ARID4A: variants seen among roughly 807,000 people sequenced by gnomAD.
ARID4A encodes AT-rich interactive domain-containing protein 4A.
A neutral mutation model predicts 148.6 loss-of-function variants in ARID4A; 39 were observed. That is an observed-to-expected ratio of 0.26 (90% CI 0.20 to 0.34). The LOEUF (loss-of-function observed/expected upper bound fraction) is 0.34, where lower values mean the gene tolerates loss of function less well. Among genes scored for constraint, ARID4A ranks in the 10% least tolerant of loss-of-function variants. The probability of loss-of-function intolerance (pLI) is 1.00; values close to 1 mark genes in which losing one functional copy is unlikely to be tolerated. For missense variants in ARID4A, 1,265 were observed against 1,449.1 expected, an observed-to-expected ratio of 0.87 and a Z score of 2.06; for synonymous variants, 475 against 481.2, an observed-to-expected ratio of 0.99 and a Z score of 0.17.
intron 11 of ARID4A, chr14:58,331,579 A>G (rs1356168285): frequency 1.3e-5 from 2 of 152,182 alleles, no homozygotes; most frequent in Non-Finnish European, 2.9e-5. Context: ...TTAAATAAGA[A>G]TTTTAGGTAT....
At chr14:58,344,067 C>T (rs1397681856) in intron 11 of ARID4A, among the ~76,000 whole-genome samples, 1 of 151,824 alleles carries the variant, frequency 6.6e-6, no homozygotes, top group Non-Finnish European at 1.5e-5. Flanking sequence ...AAGTCAAGTA[C>T]AGGGGCCATA....
intron 5 of ARID4A, among the ~76,000 whole-genome samples, chr14:58,308,562 C>T (rs2031782719): frequency 6.6e-6 from 1 of 152,298 alleles, no homozygotes; most frequent in East Asian, 1.9e-4. Context: ...GATAGCACTG[C>T]TCTAAAGAAC....
At chr14:58,312,217 ATT>A (rs1167025695) in intron 5 of ARID4A, among the ~76,000 whole-genome samples, 19 of 142,848 alleles carry the variant, frequency 1.3e-4, no homozygotes, top group Admixed American at 1.4e-4. Context: ...TTAATGTTAA[ATT>A]TTTTTTTTTT....
chr14:58,340,778 C>T (rs2034081040), intron 11 of ARID4A, among the ~76,000 whole-genome samples: 1 of 152,120 alleles, frequency 6.6e-6, no homozygotes, highest in Admixed American at 6.6e-5. Context: ...AGCCACCGTG[C>T]CCGGCCCCAC....
chr14:58,365,060 A>C lies in ARID4A; in HGVS notation c.2971A>C (p.Ile991Leu), dbSNP rs764415860. The change falls in exon 20 of 24, where the codon ATT becomes CTT. Residue 991 changes from isoleucine (I) to leucine (L), a missense_variant. Physicochemically the swap from Ile to Leu is conservative, Grantham distance 5 (BLOSUM62 2). Coordinates refer to ENST00000355431, the MANE Select transcript of ARID4A (RefSeq NM_002892.4). ...CTCTGAGTCTAACTCTCTTGTTTCT[A>C]TTCCACCTGCCCTACCTCCTGTAGT... The part of the protein sequence containing the change: ...ESSESNSLVS[I>L]PPALPPVVQH... 1 of 1,614,022 alleles carries C rather than the reference A, an allele frequency of 6.2e-7. No individual in the cohort carries two copies. The highest frequency in any genetic ancestry group is 1.3e-5 in the African/African-American group (1 of 74,928).
At chr14:58,352,563 TAAG>T (rs1175697276) in intron 16 of ARID4A, among the ~76,000 whole-genome samples, 1 of 152,198 alleles carries the variant, frequency 6.6e-6, no homozygotes, top group Non-Finnish European at 1.5e-5. Flanking sequence ...GACTTGAATG[TAAG>T]AACAATATTA....
At chr14:58,318,097 T>C (rs565356828) in intron 5 of ARID4A, among the ~76,000 whole-genome samples, 8 of 152,210 alleles carry the variant, frequency 5.3e-5, no homozygotes, top group South Asian at 4.1e-4. Flanking sequence ...TGCAAATAAA[T>C]AGAAGCAGTA....
At chr14:58,359,062 G>A in intron 17 of ARID4A, 70 bp from the exon 18 acceptor site, 1 of 1,439,346 alleles carries the variant, frequency 6.9e-7, no homozygotes, top group South Asian at 1.3e-5. Context: ...TTCGTTTGGT[G>A]AATACATTTC....
intron 8 of ARID4A, among the ~76,000 whole-genome samples, chr14:58,325,767 G>A (rs1037223420): frequency 6.6e-6 from 1 of 151,800 alleles, no homozygotes; most frequent in Admixed American, 6.6e-5. Context: ...ATTTGTATGG[G>A]GAAATTCTGA....
At chr14:58,334,783 C>T (rs1488905853) in intron 11 of ARID4A, among the ~76,000 whole-genome samples, 3 of 152,052 alleles carry the variant, frequency 2.0e-5, no homozygotes, top group Admixed American at 2.0e-4. Context: ...ACTATCGACT[C>T]TCTCTTTTCT....
At chr14:58,307,051 A>G (rs1742909835) in intron 5 of ARID4A, among the ~76,000 whole-genome samples, 1 of 152,258 alleles carries the variant, frequency 6.6e-6, no homozygotes, top group Non-Finnish European at 1.5e-5. Flanking sequence ...AGTAGTACTT[A>G]AATAGTTGCT....
At chr14:58,317,006 C>A (rs1194069793) in intron 5 of ARID4A, among the ~76,000 whole-genome samples, 4 of 151,262 alleles carry the variant, frequency 2.6e-5, no homozygotes, top group Non-Finnish European at 5.9e-5. Flanking sequence ...TCCTGGCTAA[C>A]ATGGTGAAAC....
intron 5 of ARID4A, among the ~76,000 whole-genome samples, chr14:58,312,277 C>T (rs1041934653): frequency 6.7e-5 from 10 of 148,708 alleles, no homozygotes; most frequent in East Asian, 2.0e-4. Context: ...AGAGCAGTGG[C>T]GCGATCTTGG....
At chr14:58,330,293 C>G (rs2140192167) in intron 11 of ARID4A, 124 bp downstream of exon 11, 1 of 1,366,564 alleles carries the variant, frequency 7.3e-7, no homozygotes, top group South Asian at 1.5e-5. Context: ...TCTAGCATTG[C>G]TTAATTTGGG....
Position 58,364,284 on chromosome 14 carries a change from T to C in ARID4A, c.2195T>C (p.Leu732Pro), listed in dbSNP as rs1411000899. The change falls in exon 20 of 24, where the codon CTA (leucine) becomes CCA (proline). Residue 732 changes from leucine (L) to proline (P), a missense_variant. Physicochemically the swap from Leu to Pro is moderately conservative, Grantham distance 98 (BLOSUM62 -3). Around this residue, in one of 9 missense-constraint regions of ARID4A, gnomAD observed 666 missense variants for 730.9 expected, o/e 0.91. Transcript: ENST00000355431. ...EKNENLNDDKLDEENPKISAH... is the reference protein window; with the variant it reads ...EKNENLNDDKPDEENPKISAH... Reference sequence around the variant, plus strand: ...AATGAAAATTTGAATGATGATAAGCTAGATGAAGAAAATCCAAAGATTTCT... The same window carrying C: ...AATGAAAATTTGAATGATGATAAGCCAGATGAAGAAAATCCAAAGATTTCT... The C allele has an allele frequency of 3.2e-6, 5 of 1,561,234 alleles. No individual in the cohort carries two copies. Among genetic ancestry groups the C allele is most frequent in the Middle Eastern group, 1.7e-4 (1 of 5,808 alleles).
intron 2 of ARID4A, among the ~76,000 whole-genome samples, chr14:58,300,629 G>T (rs1363319185): frequency 6.6e-6 from 1 of 151,878 alleles, no homozygotes; most frequent in Non-Finnish European, 1.5e-5. Flanking sequence ...ACTTTCTCGT[G>T]GTTTTCTATT....
intron 5 of ARID4A, among the ~76,000 whole-genome samples, chr14:58,309,727 A>G (rs1037174821): frequency 6.6e-6 from 1 of 152,244 alleles, no homozygotes; most frequent in Non-Finnish European, 1.5e-5. Context: ...ATGTACACAC[A>G]CAGATCATTT....
At chr14:58,331,539 T>C (rs1481628366) in intron 11 of ARID4A, 3 of 151,994 alleles carry the variant, frequency 2.0e-5, no homozygotes, top group East Asian at 3.8e-4. Flanking sequence ...TTTGTGTGTT[T>C]AGTTACCATT....
chr14:58,323,320 G>T (rs919435612), intron 7 of ARID4A, among the ~76,000 whole-genome samples, 165 bp from the exon 8 acceptor site: 2 of 152,142 alleles, frequency 1.3e-5, no homozygotes, highest in Non-Finnish European at 2.9e-5. Context: ...ACATACCTCT[G>T]TGAGGCTAAG....
Sources: allele counts gnomAD v4.1 joint callset (sites outside exome capture counted in the v4.1 genomes callset), GRCh38; gene constraint gnomAD v4.1.1; regional missense constraint gnomAD v4.1.1; transcripts MANE v1.5; gene names NCBI Gene and HGNC (gene_info 2026-07-23, HGNC 2026-07-21).